The following STN1 variants were observed in gnomAD, a reference collection of about 807,000 sequenced individuals.
STN1 encodes the protein CST complex subunit STN1.
STN1 carries 29 observed loss-of-function variants against 45.5 expected under a neutral mutation model. The observed-to-expected ratio is 0.64, with a 90% CI of 0.47 to 0.87. The LOEUF (loss-of-function observed/expected upper bound fraction) is 0.87. Among genes scored for constraint, STN1 ranks in the 40% least tolerant of loss-of-function variants. The pLI is 0.00. For synonymous variants in STN1, 148 were observed against 159.0 expected, an observed-to-expected ratio of 0.93 and a Z score of 0.52; for missense variants, 376 against 441.4, an observed-to-expected ratio of 0.85 and a Z score of 1.33.
rs1564636108 is a variant in STN1 at position 103,914,356 on chromosome 10, A to ATTTTTTTT, written c.133+3105_133+3106insAAAAAAAA. ...AATACATATATATATATATATATAT[A>ATTTTTTTT]TATATATATATATATATATTTTTTT... On this transcript the variant is annotated intron_variant, in intron 2 of 9. Transcript: ENST00000224950. Among the ~76,000 whole-genome samples the ATTTTTTTT allele has an allele frequency of 1.0e-4, 2 of 19,144 alleles. 1 individual carries two copies. Among genetic ancestry groups the ATTTTTTTT allele is most frequent in the Non-Finnish European group, 2.3e-4 (2 of 8,530 alleles). The allele number at this position is 19,144 out of a possible 152,430, so 12.6% of individuals were successfully genotyped here.
At chr10:103,889,173 A>G (rs766690575) in intron 8 of STN1, 29 bp from the exon 9 acceptor site, 1 of 1,472,750 alleles carries the variant, frequency 6.8e-7, no homozygotes, top group Admixed American at 1.7e-5. Flanking sequence ...TGAGAGAGAG[A>G]GTGTTCTTAG....
chr10:103,908,450 G>A lies in STN1; in HGVS notation c.229+2077C>T, dbSNP rs1045266382. On this transcript the variant is annotated intron_variant, in intron 3 of 9. Transcript: ENST00000224950. ...TTTCAGCTGCGGGATGAGTCAGTGC[G>A]AGCAGGAAGCACCCCCAGCACAGGC... Among the ~76,000 whole-genome samples, 6 of 152,280 alleles carry A rather than the reference G, an allele frequency of 3.9e-5. No homozygotes were observed. The South Asian group carries it at 1.0e-3, about 26-fold the overall frequency.
At chr10:103,888,002 CT>C (rs1250449946) in intron 9 of STN1, among the ~76,000 whole-genome samples, 1 of 152,202 alleles carries the variant, frequency 6.6e-6, no homozygotes, top group Non-Finnish European at 1.5e-5. Context: ...GACAGATGGG[CT>C]TTTCCCTCAA....
At chr10:103,910,892 C>G (rs532368728) in intron 2 of STN1, among the ~76,000 whole-genome samples, 40 of 152,250 alleles carry the variant, frequency 2.6e-4, no homozygotes, top group African/African-American at 9.4e-4. Flanking sequence ...GGTTAATGCA[C>G]CCTGTTCTGA....
chr10:103,914,372 A>ATTTT (rs1564636185), intron 2 of STN1, among the ~76,000 whole-genome samples: 1 of 82,702 alleles, frequency 1.2e-5, no homozygotes, highest in African/African-American at 5.7e-5. Flanking sequence ...ATATATATAT[A>ATTTT]TATTTTTTTT....
intron 2 of STN1, among the ~76,000 whole-genome samples, chr10:103,913,157 T>C (rs115283489): frequency 2.6e-5 from 4 of 152,294 alleles, no homozygotes; most frequent in African/African-American, 7.2e-5. Context: ...TCTTCCTGGG[T>C]TGAAGTCTGG....
intron 7 of STN1, among the ~76,000 whole-genome samples, chr10:103,894,976 C>T (rs1843162087): frequency 6.6e-6 from 1 of 152,138 alleles, no homozygotes; most frequent in Admixed American, 6.5e-5. Flanking sequence ...AACACCATCA[C>T]AATGATTTTT....
chr10:103,917,258 TAA>T (rs5787502), intron 2 of STN1, among the ~76,000 whole-genome samples: 23,320 of 91,230 alleles, frequency 0.26, 2,298 homozygotes, highest in South Asian at 0.3. Flanking sequence ...AAACACCTAC[TAA>T]AAAAAAAAAA....
intron 2 of STN1, among the ~76,000 whole-genome samples, chr10:103,916,799 A>AG (rs1198267054): frequency 6.6e-6 from 1 of 151,846 alleles, no homozygotes; most frequent in Non-Finnish European, 1.5e-5. Flanking sequence ...ATACAAAAAA[A>AG]AAAAAAGAAA....
chr10:103,917,970 C>A (rs1156725341), intron 1 of STN1, 130 bp downstream of exon 1: 3 of 186,142 alleles, frequency 1.6e-5, no homozygotes, highest in Non-Finnish European at 3.4e-5. Context: ...CCGGGAGGAA[C>A]GGGCGCCCTC....
Position 103,895,674 on chromosome 10 carries a change from G to A in STN1, c.753+1874C>T, listed in dbSNP as rs551689006. Among the ~76,000 whole-genome samples, 238 of 152,330 alleles carry A rather than the reference G, an allele frequency of 1.6e-3. 1 individual carries two copies. Among genetic ancestry groups the A allele is most frequent in the Non-Finnish European group, 2.9e-3 (198 of 68,032 alleles). ...GCACATCAGGCTGTTGCCCAGAAGA[G>A]ATAATTAGGAGCACAAACAAAACTG... On this transcript the variant is annotated intron_variant, in intron 7 of 9. Transcript: ENST00000224950.
chr10:103,913,299 T>C (rs999611300), intron 2 of STN1, among the ~76,000 whole-genome samples: 12 of 152,198 alleles, frequency 7.9e-5, no homozygotes, highest in African/African-American at 2.9e-4. Context: ...TGAACAGGTC[T>C]TCACTTGTGG....
chr10:103,910,245 G>A (rs140123313), intron 3 of STN1, among the ~76,000 whole-genome samples: 1 of 152,238 alleles, frequency 6.6e-6, no homozygotes, highest in African/African-American at 2.4e-5. Flanking sequence ...GTGCCCCCCT[G>A]CCCGTCCATC....
chr10:103,915,031 T>C (rs1843321276), intron 2 of STN1, among the ~76,000 whole-genome samples: 1 of 152,204 alleles, frequency 6.6e-6, no homozygotes, highest in Non-Finnish European at 1.5e-5. Context: ...GAAGGTGCTA[T>C]ACTTATGATT....
chr10:103,909,490 GTGTGTGTATA>G (rs1474426587), intron 3 of STN1, among the ~76,000 whole-genome samples: 46 of 31,612 alleles, frequency 1.5e-3, no homozygotes, highest in Non-Finnish European at 3.2e-3. Flanking sequence ...ATATATATGT[GTGTGTGTATA>G]TGTATATATG....
chr10:103,915,925 T>A (rs1355725202), intron 2 of STN1, among the ~76,000 whole-genome samples: 1 of 151,908 alleles, frequency 6.6e-6, no homozygotes, highest in East Asian at 1.9e-4. Flanking sequence ...ACAATAAGGT[T>A]TGCGCTCCTA....
At chr10:103,912,859 G>A (rs894972712) in intron 2 of STN1, among the ~76,000 whole-genome samples, 1 of 152,244 alleles carries the variant, frequency 6.6e-6, no homozygotes, top group African/African-American at 2.4e-5. Context: ...CTGGCTGCCA[G>A]GTACTTGTTT....
chr10:103,884,860 C>T (rs774640605), intron 9 of STN1, among the ~76,000 whole-genome samples: 4 of 152,198 alleles, frequency 2.6e-5, no homozygotes, highest in Non-Finnish European at 5.9e-5. Context: ...TAAATTCTGA[C>T]CTCTAGTGGC....
In STN1 at chr10:103,912,262, C is replaced by T. The variant is rs558579033; in HGVS notation, c.134-1640G>A. On this transcript the variant is annotated intron_variant, in intron 2 of 9. Transcript: ENST00000224950. ...TCATAGAGATGGGGTCTCTCCCTGT[C>T]GCCCATGCTGGCCTCAAACTCTTGG... 1.9e-4 allele frequency among the ~76,000 whole-genome samples: 29 copies of T among 152,188 alleles called. 1 individual carries two copies. In the South Asian group the frequency reaches 4.4e-3, roughly 23 times the overall value.
Sources: allele counts gnomAD v4.1 joint callset (sites outside exome capture counted in the v4.1 genomes callset), GRCh38; gene constraint gnomAD v4.1.1; transcripts MANE v1.5; gene names NCBI Gene and HGNC (gene_info 2026-07-23, HGNC 2026-07-21).